The following SYT3 variants were observed in gnomAD, a reference collection of about 807,000 sequenced individuals.
The protein encoded by SYT3 is synaptotagmin-3.
A neutral mutation model predicts 50.6 loss-of-function variants in SYT3; 25 were observed. The observed-to-expected ratio is 0.49, with a 90% CI of 0.36 to 0.69. The LOEUF (loss-of-function observed/expected upper bound fraction) is 0.69, where lower values mean the gene tolerates loss of function less well. Ranked by LOEUF, SYT3 falls within the 30% of genes least tolerant of loss-of-function variation. SYT3 has a pLI of 0.00. For synonymous variants in SYT3, 323 were observed against 353.9 expected (o/e 0.91, Z 0.98); for missense variants, 589 against 793.6 (o/e 0.74, Z 3.10).
chr19:50,625,013 A>C lies in SYT3; in HGVS notation c.1707+149T>G, dbSNP rs560620526. ...CAGAGCGCTTGGGTAACTGGCTCTA[A>C]GCCGCACAGCTAAAGTTGGCACAGC... On this transcript the variant is annotated intron_variant, in intron 9 of 10. Transcript: ENST00000600079. The surrounding 1 kb of genome is among the most constrained non-coding windows in gnomAD (Gnocchi z 7.5). 303 of 830,250 alleles carry C rather than the reference A, an allele frequency of 3.6e-4. 1 individual carries two copies. The East Asian group carries it at 8.9e-3, about 24-fold the overall frequency. The allele number at this position is 830,250 out of a possible 1,614,324, so 51.4% of individuals were successfully genotyped here. A position where few individuals can be genotyped will look rare whatever the true frequency, so the allele number is the denominator to read the frequency against.
Position 50,625,263 on chromosome 19 carries a change from G to C in SYT3, c.1606C>G (p.Arg536Gly), listed in dbSNP as rs1389719687. 3.2e-6 allele frequency: 5 copies of C among 1,548,888 alleles called. No homozygotes were observed. The highest frequency in any genetic ancestry group is 4.3e-6 in the Non-Finnish European group (5 of 1,151,326). The change falls in exon 9 of 11, where the codon CGT (arginine) becomes GGT (glycine). Residue 536 changes from arginine (R) to glycine (G), a missense_variant. Physicochemically the swap from Arg to Gly is moderately radical, Grantham distance 125. Around this residue, in one of 2 missense-constraint regions of SYT3, gnomAD observed 273 missense variants for 439.3 expected, o/e 0.62. Transcript: ENST00000600079. The surrounding 1 kb of genome is among the most constrained non-coding windows in gnomAD (Gnocchi z 7.5). Reference protein sequence around the residue: ...IGHNEVIGVCRVGPDAADPHG... With the variant: ...IGHNEVIGVCGVGPDAADPHG... ...GGGTCGGCAGCGTCGGGGCCCACAC[G>C]GCACACGCCGATCACCTCGTTGTGC... is the stretch of plus-strand genomic sequence containing the variant.
rs529397903 is a variant in SYT3 at position 50,623,613 on chromosome 19, C to CAAAAAAAAAAAAA, written c.1708-871_1708-859dup. ...ACAACATGGCAAAACCCTGTCTCTA[C>CAAAAAAAAAAAAA]AAAAAAAAAAAAAAAAAAAAAAAAA... On this transcript the variant is annotated intron_variant, in intron 9 of 10. Coordinates refer to ENST00000600079, the MANE Select transcript of SYT3 (RefSeq NM_001160329.2). Among the ~76,000 whole-genome samples the CAAAAAAAAAAAAA allele has an allele frequency of 7.8e-4, 71 of 91,600 alleles. 4 individuals are homozygous for CAAAAAAAAAAAAA. The highest frequency in any genetic ancestry group is 1.0e-3 in the Non-Finnish European group (49 of 48,480). 60.1% of individuals were successfully genotyped at this position (91,600 alleles called of 152,430 possible).
chr19:50,649,540 G>T, the SYT3 span: 3 of 1,533,024 alleles, frequency 2.0e-6, no homozygotes, highest in African/African-American at 4.1e-5. Flanking sequence ...GGGGGAAGGG[G>T]TGGACTTCCT....
Position 50,632,217 on chromosome 19 carries a change from A to G in SYT3, c.674+69T>C, listed in dbSNP as rs1984331966. On this transcript the variant is annotated intron_variant, in intron 4 of 10. Transcript: ENST00000600079. The surrounding 1 kb of genome is among the most constrained non-coding windows in gnomAD (Gnocchi z 4.7). ...CAAATCCCGAACTCATAAGAGCTAT[A>G]GATAGGAAAGAGACACAGAGGAGGA... 2 of 1,464,056 alleles carry G rather than the reference A, an allele frequency of 1.4e-6. No homozygotes were observed. Among genetic ancestry groups the G allele is most frequent in the Non-Finnish European group, 9.2e-7 (1 of 1,087,976 alleles). The allele number at this position is 1,464,056 out of a possible 1,614,324, so 90.7% of individuals were successfully genotyped here.
Position 50,639,794 on chromosome 19 carries a change from AGCCGCCGCTGCCGCCGCTGCCGCCGCC to A in SYT3, c.-185_-159del, listed in dbSNP as rs1273117454. On this transcript the variant is annotated 5_prime_UTR_variant, in exon 1 of 11. Coordinates refer to ENST00000600079, the MANE Select transcript of SYT3 (RefSeq NM_001160329.2). The surrounding 1 kb of genome is among the most constrained non-coding windows in gnomAD (Gnocchi z 4.6). ...GAGGGGGAGGAGCGGACTCACCCGG[AGCCGCCGCTGCCGCCGCTGCCGCCGCC>A]GCCGCCGCCGCAGCCCCGCGCGCCA... The A allele has an allele frequency of 6.4e-6, 1 of 155,848 alleles. No individual in the cohort carries two copies. Among genetic ancestry groups the A allele is most frequent in the Admixed American group, 6.6e-5 (1 of 15,094 alleles). The allele number at this position is 155,848 out of a possible 1,614,324, so 9.7% of individuals were successfully genotyped here. A position where few individuals can be genotyped will look rare whatever the true frequency, so the allele number is the denominator to read the frequency against.
rs1033760796 is a variant in SYT3 at position 50,637,151 on chromosome 19, A to G, written c.148+113T>C. 15 of 1,311,172 alleles carry G rather than the reference A, an allele frequency of 1.1e-5. No individual in the cohort carries two copies. The African/African-American group carries it at 1.3e-4, about 11-fold the overall frequency. 81.2% of individuals were successfully genotyped at this position (1,311,172 alleles called of 1,614,324 possible). On this transcript the variant is annotated intron_variant, in intron 3 of 10. Transcript: ENST00000600079. This position sits in a 1 kb window ranked among gnomAD's most constrained non-coding sequence, Gnocchi z 4.9. Reference sequence around the variant, plus strand: ...GGGCAGCAGCAGGCAGAATGGGGGCAAGACGCTACGAGGGACTGACCCCAC... The same window carrying G: ...GGGCAGCAGCAGGCAGAATGGGGGCGAGACGCTACGAGGGACTGACCCCAC...
In SYT3 at chr19:50,629,855, A is replaced by G. The variant is rs1483975806; in HGVS notation, c.991T>C (p.Ser331Pro). Residue 331 changes from serine (S) to proline (P), a missense_variant, in exon 5 of 11, where the codon TCC (serine) becomes CCC (proline). Physicochemically the swap from Ser to Pro is moderately conservative, Grantham distance 74. Around this residue, in one of 2 missense-constraint regions of SYT3, gnomAD observed 273 missense variants for 439.3 expected, o/e 0.62. Coordinates refer to ENST00000600079, the MANE Select transcript of SYT3 (RefSeq NM_001160329.2). ...LQALDLPAKD[S>P]NGFSDPYVKI... is the part of the protein sequence containing the mutation. ...ACGTAGGGGTCTGAGAAGCCGTTGG[A>G]GTCCTTGGCAGGGAGGTCCAGGGCC... 1.2e-6 allele frequency: 2 copies of G among 1,613,930 alleles called. No individual in the cohort carries two copies. Among genetic ancestry groups the G allele is most frequent in the African/African-American group, 1.3e-5 (1 of 74,902 alleles).
chr19:50,637,517 C>CA lies in SYT3; in HGVS notation c.-15-92dup. 1.7e-6 allele frequency: 2 copies of CA among 1,186,926 alleles called. No individual in the cohort carries two copies. The highest frequency in any genetic ancestry group is 2.3e-6 in the Non-Finnish European group (2 of 860,320). 73.5% of individuals were successfully genotyped at this position (1,186,926 alleles called of 1,614,324 possible). On this transcript the variant is annotated intron_variant, in intron 2 of 10. Coordinates refer to ENST00000600079, the MANE Select transcript of SYT3 (RefSeq NM_001160329.2). The surrounding 1 kb of genome is among the most constrained non-coding windows in gnomAD (Gnocchi z 4.9). ...GTGTGGAGATAAGGGTGGAAAGAGA[C>CA]ACCGAGAAAAGGAAGGATGGGCAAA...
At chr19:50,634,732 C>A (rs763340432) in intron 3 of SYT3, among the ~76,000 whole-genome samples, 8 of 151,878 alleles carry the variant, frequency 5.3e-5, no homozygotes, top group Non-Finnish European at 1.0e-4. Context: ...AACAAGTGGG[C>A]ACCAGCATGC....
chr19:50,632,271 A>G lies in SYT3; in HGVS notation c.674+15T>C. 1 of 1,546,370 alleles carries G rather than the reference A, an allele frequency of 6.5e-7. No homozygotes were observed. The highest frequency in any genetic ancestry group is 8.8e-7 in the Non-Finnish European group (1 of 1,141,312). On this transcript the variant is annotated intron_variant, in intron 4 of 10. Transcript: ENST00000600079. The surrounding 1 kb of genome is among the most constrained non-coding windows in gnomAD (Gnocchi z 4.7). The stretch of plus-strand genomic sequence containing the variant: ...GAAGTTCAGAGTGGACCCCCAACCC[A>G]GTATCCTCTCTCACCTGGTAGTGGG...
the SYT3 span, chr19:50,649,612 T>A: frequency 7.7e-7 from 1 of 1,297,162 alleles, no homozygotes; most frequent in Non-Finnish European, 1.1e-6. Context: ...TCACTGGCAC[T>A]CCAAAGTGAA....
chr19:50,629,919 G>A lies in SYT3; in HGVS notation c.927C>T (p.Tyr309=), dbSNP rs1314497670. The A allele has an allele frequency of 1.2e-6, 2 of 1,613,972 alleles. No individual in the cohort carries two copies. The highest frequency in any genetic ancestry group is 1.7e-6 in the Non-Finnish European group (2 of 1,180,004). ...CCACCAGCTGGTCCGAGCCATAGAG[G>A]TACCGCAGGGCGAAGCTGATACGGC... ...PCGRISFALR[Y]LYGSDQLVVR... is the part of the protein sequence containing the mutation. The change falls in exon 5 of 11, where the codon TAC becomes TAT. Residue 309 remains tyrosine (Y), a synonymous_variant. Coordinates refer to ENST00000600079, the MANE Select transcript of SYT3 (RefSeq NM_001160329.2).
chr19:50,637,516 A>G lies in SYT3; in HGVS notation c.-15-90T>C. 1 of 1,187,690 alleles carries G rather than the reference A, an allele frequency of 8.4e-7. No homozygotes were observed. Among genetic ancestry groups the G allele is most frequent in the South Asian group, 1.6e-5 (1 of 64,048 alleles). 73.6% of individuals were successfully genotyped at this position (1,187,690 alleles called of 1,614,324 possible). On this transcript the variant is annotated intron_variant, in intron 2 of 10. Transcript: ENST00000600079. The surrounding 1 kb of genome is among the most constrained non-coding windows in gnomAD (Gnocchi z 4.9). ...GGTGTGGAGATAAGGGTGGAAAGAGACACCGAGAAAAGGAAGGATGGGCAA... is the reference window on the plus strand; with the variant it reads ...GGTGTGGAGATAAGGGTGGAAAGAGGCACCGAGAAAAGGAAGGATGGGCAA...
the SYT3 span, chr19:50,649,946 C>T: frequency 4.7e-6 from 2 of 427,968 alleles, no homozygotes; most frequent in East Asian, 7.0e-5. Flanking sequence ...CTCCCACAGC[C>T]CATCAGGCCC....
chr19:50,625,592 G>C lies in SYT3; in HGVS notation c.1403-28C>G, dbSNP rs774298738. On this transcript the variant is annotated intron_variant, in intron 7 of 10. Coordinates refer to ENST00000600079, the MANE Select transcript of SYT3 (RefSeq NM_001160329.2). The surrounding 1 kb of genome is among the most constrained non-coding windows in gnomAD (Gnocchi z 7.5). Reference sequence around the variant, plus strand: ...GGGAACAGCAATGAAGTAAGGAACAGAGACTCACTCCCTCAGACCTAGGGG... The same window carrying C: ...GGGAACAGCAATGAAGTAAGGAACACAGACTCACTCCCTCAGACCTAGGGG... 2.4e-5 allele frequency: 37 copies of C among 1,548,488 alleles called. No individual in the cohort carries two copies. The highest frequency in any genetic ancestry group is 3.1e-5 in the Non-Finnish European group (36 of 1,148,656).
chr19:50,655,592 T>C, the SYT3 span, among the ~76,000 whole-genome samples: 1 of 150,936 alleles, frequency 6.6e-6, no homozygotes, highest in Non-Finnish European at 1.5e-5. Context: ...GAGCTTGCAG[T>C]GAGCCGAGAT....
intron 6 of SYT3, among the ~76,000 whole-genome samples, chr19:50,627,118 G>C (rs1262414362): frequency 1.3e-5 from 2 of 152,228 alleles, no homozygotes; most frequent in Non-Finnish European, 2.9e-5. Flanking sequence ...GCTGGAGCTA[G>C]CTGGGAGCTT....
At chr19:50,635,015 G>A (rs531117725) in intron 3 of SYT3, among the ~76,000 whole-genome samples, 11 of 152,166 alleles carry the variant, frequency 7.2e-5, no homozygotes, top group African/African-American at 1.2e-4. Context: ...GGTTGATGCC[G>A]TTCTCCTGCC....
chr19:50,644,047 G>A (rs1984722301), upstream of SYT3, among the ~76,000 whole-genome samples: 1 of 152,210 alleles, frequency 6.6e-6, no homozygotes, highest in South Asian at 2.1e-4. Flanking sequence ...GGCACCTTGA[G>A]GGCTGTCAAG....
Sources: gnomAD v4.1 joint callset for allele counts (sites outside exome capture counted in the v4.1 genomes callset) on GRCh38, gnomAD v4.1.1 for gene constraint, gnomAD v4.1.1 regional missense constraint, Gnocchi (gnomAD v3.1) non-coding constraint, MANE v1.5 for transcripts, NCBI Gene and HGNC (gene_info 2026-07-23, HGNC 2026-07-21) for gene names.